SNX29: variants seen among roughly 807,000 people sequenced by gnomAD.
SNX29 encodes sorting nexin 29, also known as sorting nexin-29.
A neutral mutation model predicts 102.1 loss-of-function variants in SNX29; 78 were observed. That is an observed-to-expected ratio of 0.76 (90% CI 0.64 to 0.92). The LOEUF (loss-of-function observed/expected upper bound fraction) is 0.92. SNX29 is among the 40% of genes least tolerant of loss of function. The pLI, the probability that SNX29 is intolerant of heterozygous loss-of-function variation, is 0.00. For missense variants in SNX29, 1,280 were observed against 1,061.7 expected, an observed-to-expected ratio of 1.21 and a Z score of -2.86; for synonymous variants, 580 against 414.5, an observed-to-expected ratio of 1.40 and a Z score of -4.85.
chr16:12,156,052 C>G (rs959660609), intron 13 of SNX29, among the ~76,000 whole-genome samples: 1 of 152,260 alleles, frequency 6.6e-6, no homozygotes, highest in Non-Finnish European at 1.5e-5. Flanking sequence ...CTTTGCTGTT[C>G]CTTAACGTGC....
intron 15 of SNX29, among the ~76,000 whole-genome samples, chr16:12,299,726 T>C (rs2080100746): frequency 6.6e-6 from 1 of 151,970 alleles, no homozygotes; most frequent in African/African-American, 2.4e-5. Context: ...CATCCCTTCT[T>C]TTTTAGTAGA....
intron 11 of SNX29, among the ~76,000 whole-genome samples, chr16:12,110,552 G>T (rs538305692): frequency 1.1e-4 from 17 of 152,290 alleles, no homozygotes; most frequent in African/African-American, 3.8e-4. Context: ...GGAAGAGCAG[G>T]TGTGGTGGCT....
intron 13 of SNX29, among the ~76,000 whole-genome samples, chr16:12,130,280 T>TCCTGGCTAACACGGTGAAACCCC (rs2054404007): frequency 6.7e-6 from 1 of 150,028 alleles, no homozygotes; most frequent in Non-Finnish European, 1.5e-5. Context: ...ATCGAGACCA[T>TCCTGGCTAACACGGTGAAACCCC]CCTGGCTAAC....
At chr16:12,263,496 C>G (rs1297754218) in intron 14 of SNX29, among the ~76,000 whole-genome samples, 1 of 152,162 alleles carries the variant, frequency 6.6e-6, no homozygotes, top group Non-Finnish European at 1.5e-5. Context: ...AACAGATTAT[C>G]ATACAACTTG....
At chr16:12,045,091 C>G (rs1343355666) in intron 5 of SNX29, among the ~76,000 whole-genome samples, 1 of 152,198 alleles carries the variant, frequency 6.6e-6, no homozygotes, top group East Asian at 1.9e-4. Flanking sequence ...TGCACGAAAA[C>G]AGGCTCAGAT....
rs539387956 is a variant in SNX29 at position 12,083,409 on chromosome 16, C to G, written c.1402+4494C>G. On this transcript the variant is annotated intron_variant, in intron 11 of 20. Transcript: ENST00000566228. ...GTTGATTTCTGGTAAGGCCTCTTTCCTTGGCTTGCAGACAGCCACCTTCTC... is the reference window on the plus strand; with the variant it reads ...GTTGATTTCTGGTAAGGCCTCTTTCGTTGGCTTGCAGACAGCCACCTTCTC... 2.9e-4 allele frequency among the ~76,000 whole-genome samples: 44 copies of G among 152,150 alleles called. 1 individual carries two copies. The highest frequency in any genetic ancestry group is 3.4e-3 in the Middle Eastern group (1 of 292).
At chr16:12,117,382 C>T (rs112869333) in intron 11 of SNX29, among the ~76,000 whole-genome samples, 3 of 140,602 alleles carry the variant, frequency 2.1e-5, no homozygotes, top group Non-Finnish European at 4.6e-5. Flanking sequence ...GCGGACGAAC[C>T]GTGGAAACAG....
chr16:11,998,251 G>C (rs2056161658), intron 1 of SNX29, among the ~76,000 whole-genome samples: 1 of 152,176 alleles, frequency 6.6e-6, no homozygotes, highest in Admixed American at 6.6e-5. Flanking sequence ...AAGTGAATGT[G>C]CTCTGTGTCT....
chr16:12,270,164 G>A (rs960346957), intron 14 of SNX29, among the ~76,000 whole-genome samples: 7 of 152,028 alleles, frequency 4.6e-5, no homozygotes, highest in African/African-American at 1.7e-4. Context: ...GTCCAGCCCC[G>A]TTCTTTCAGT....
chr16:12,032,200 C>CT (rs1303679506), intron 4 of SNX29, among the ~76,000 whole-genome samples: 1,669 of 141,266 alleles, frequency 0.012, 28 homozygotes, highest in Non-Finnish European at 0.019. Context: ...TCTTCTTCTT[C>CT]TTCTTTTTTT....
intron 13 of SNX29, among the ~76,000 whole-genome samples, chr16:12,185,555 C>G (rs2076489763): frequency 6.6e-6 from 1 of 152,178 alleles, no homozygotes. Context: ...TGATGGTCCC[C>G]CTCCTTCAAT....
At chr16:12,277,854 A>G in intron 14 of SNX29, 79 bp from the exon 15 acceptor site, 1 of 1,274,266 alleles carries the variant, frequency 7.8e-7, no homozygotes, top group Non-Finnish European at 1.1e-6. Flanking sequence ...CTGAGAAAGA[A>G]GAATTTTTTC....
intron 15 of SNX29, among the ~76,000 whole-genome samples, chr16:12,294,260 C>A (rs1567407234): frequency 6.6e-6 from 1 of 152,166 alleles, no homozygotes; most frequent in African/African-American, 2.4e-5. Context: ...TGCATGGCTC[C>A]TGTCACCCGT....
chr16:12,403,151 A>T (rs535500719), intron 17 of SNX29, among the ~76,000 whole-genome samples: 1 of 151,742 alleles, frequency 6.6e-6, no homozygotes, highest in African/African-American at 2.4e-5. Flanking sequence ...AGATCACTCC[A>T]TAAGAACTGA....
intron 18 of SNX29, among the ~76,000 whole-genome samples, chr16:12,464,091 C>T (rs13338834): frequency 0.12 from 18,109 of 151,860 alleles, 1,504 homozygotes; most frequent in African/African-American, 0.24. Context: ...CACTCACGTC[C>T]GCCTGTAAGT....
chr16:12,160,806 A>C (rs796576576), intron 13 of SNX29, among the ~76,000 whole-genome samples: 2 of 152,216 alleles, frequency 1.3e-5, no homozygotes, highest in African/African-American at 4.8e-5. Context: ...ACGTAACTTC[A>C]TGGCAGAAGT....
chr16:12,513,015 C>G (rs2089701207), intron 19 of SNX29, among the ~76,000 whole-genome samples: 1 of 152,110 alleles, frequency 6.6e-6, no homozygotes, highest in South Asian at 2.1e-4. Context: ...TGGCCCTGGC[C>G]TCCAAGGCAG....
At chr16:12,490,105 C>G (rs1230171619) in intron 19 of SNX29, among the ~76,000 whole-genome samples, 1 of 152,152 alleles carries the variant, frequency 6.6e-6, no homozygotes, top group Non-Finnish European at 1.5e-5. Flanking sequence ...AACGCCAGGG[C>G]TTTTTTGGCT....
rs540261362 is a variant in SNX29, at chr16:12,183,326, T to G, written c.1596-16275T>G. Among the ~76,000 whole-genome samples, 38 of 152,316 alleles carry G rather than the reference T, an allele frequency of 2.5e-4. 1 individual carries two copies. The highest frequency in any genetic ancestry group is 9.1e-4 in the African/African-American group (38 of 41,554). On this transcript the variant is annotated intron_variant, in intron 13 of 20. Coordinates refer to ENST00000566228, the MANE Select transcript of SNX29 (RefSeq NM_032167.5). ...AAATACTTTGTATTTTTTTTAAATT[T>G]CCTTTTTATTTTGAGAAATTTCAAA... is the stretch of plus-strand genomic sequence containing the variant.
Sources: allele counts gnomAD v4.1 joint callset (sites outside exome capture counted in the v4.1 genomes callset), GRCh38; gene constraint gnomAD v4.1.1; transcripts MANE v1.5; gene names NCBI Gene and HGNC (gene_info 2026-07-23, HGNC 2026-07-21).